Variants in MTUS2 observed in about 807,000 individuals in gnomAD.
MTUS2 encodes microtubule-associated tumor suppressor candidate 2.
MTUS2 carries 40 observed loss-of-function variants against 114.1 expected under a neutral mutation model. The ratio of observed to expected loss-of-function variants is 0.35; its 90% CI spans 0.27 to 0.46. The LOEUF is 0.46. MTUS2 is among the 20% of genes least tolerant of loss of function. The pLI is 1.00. For missense variants in MTUS2, 1,679 were observed against 1,705.4 expected, an observed-to-expected ratio of 0.98 and a Z score of 0.27; for synonymous variants, 688 against 672.0, an observed-to-expected ratio of 1.02 and a Z score of -0.37.
At chr13:29,476,842 G>A (rs1189350203) in intron 9 of MTUS2, 1 of 152,212 alleles carries the variant, frequency 6.6e-6, no homozygotes, top group African/African-American at 2.4e-5. Context: ...CAGCCTTGCA[G>A]GTGAAAAATG....
At chr13:29,072,780 T>C (rs184647495) in intron 4 of MTUS2, among the ~76,000 whole-genome samples, 1 of 152,286 alleles carries the variant, frequency 6.6e-6, no homozygotes, top group Non-Finnish European at 1.5e-5. Flanking sequence ...TTGAGTAGCA[T>C]TAGTAGATTT....
intron 5 of MTUS2, among the ~76,000 whole-genome samples, chr13:29,171,353 G>A (rs1490424925): frequency 6.6e-6 from 1 of 152,160 alleles, no homozygotes; most frequent in Non-Finnish European, 1.5e-5. Flanking sequence ...AGCAGGACCT[G>A]AATACCTGTG....
intron 2 of MTUS2, among the ~76,000 whole-genome samples, chr13:28,971,948 A>G (rs1184901851): frequency 2.6e-5 from 4 of 152,234 alleles, no homozygotes; most frequent in Non-Finnish European, 4.4e-5. Context: ...GCCATGCTGG[A>G]CAATTCATGG....
intron 5 of MTUS2, among the ~76,000 whole-genome samples, chr13:29,210,597 G>C (rs1895384561): frequency 6.6e-6 from 1 of 152,170 alleles, no homozygotes; most frequent in Non-Finnish European, 1.5e-5. Flanking sequence ...CTGTTGTTCA[G>C]ATTCGTTTGT....
At chr13:28,970,458 C>T (rs971478419) in intron 2 of MTUS2, among the ~76,000 whole-genome samples, 1 of 152,190 alleles carries the variant, frequency 6.6e-6, no homozygotes, top group Non-Finnish European at 1.5e-5. Context: ...TTCATTCATG[C>T]GTTGTCTCTG....
At chr13:29,246,078 A>G (rs1383785098) in intron 5 of MTUS2, among the ~76,000 whole-genome samples, 3 of 152,224 alleles carry the variant, frequency 2.0e-5, no homozygotes, top group Admixed American at 2.0e-4. Context: ...GTCATATAAA[A>G]TCCTTTGTAA....
intron 11 of MTUS2, chr13:29,489,812 A>G (rs1002444233): frequency 6.6e-6 from 1 of 152,244 alleles, no homozygotes; most frequent in African/African-American, 2.4e-5. Context: ...GCAATGGTTT[A>G]TGTCATCTTC....
chr13:29,443,791 G>A (rs1265304619), intron 9 of MTUS2, among the ~76,000 whole-genome samples: 1 of 152,174 alleles, frequency 6.6e-6, no homozygotes, highest in Non-Finnish European at 1.5e-5. Flanking sequence ...AGTATGGCCA[G>A]TCCCTTCCCC....
chr13:29,487,584 C>T (rs1230672112), intron 10 of MTUS2: 1 of 339,720 alleles, frequency 2.9e-6, no homozygotes, highest in Non-Finnish European at 5.5e-6. Flanking sequence ...CGTCATCGCT[C>T]ATAGCGGTGC....
At position 28,828,396 on chromosome 13, in the gene MTUS2, A is replaced by G. The variant is rs573761848; in HGVS notation, c.-316+7785A>G. Among the ~76,000 whole-genome samples, 23 of 152,328 alleles carry G rather than the reference A, an allele frequency of 1.5e-4. No individual in the cohort carries two copies. In the East Asian group the frequency reaches 4.4e-3, roughly 29 times the overall value. ...CTGAGGTGACATTCATCCTCAGCTTATGAAGATGACAGGATTAAGCAATTA... is the reference window on the plus strand; with the variant it reads ...CTGAGGTGACATTCATCCTCAGCTTGTGAAGATGACAGGATTAAGCAATTA... On this transcript the variant is annotated intron_variant, in intron 1 of 15. Transcript: ENST00000612955.
chr13:29,263,249 C>T (rs1183074151), intron 5 of MTUS2, among the ~76,000 whole-genome samples: 2 of 152,106 alleles, frequency 1.3e-5, no homozygotes, highest in African/African-American at 4.8e-5. Flanking sequence ...CTAGAGTTAC[C>T]ATCTTCTTCC....
intron 5 of MTUS2, among the ~76,000 whole-genome samples, chr13:29,232,120 C>A (rs1449926066): frequency 6.6e-6 from 1 of 152,176 alleles, no homozygotes; most frequent in Non-Finnish European, 1.5e-5. Flanking sequence ...CTCTACCTCA[C>A]TGCAGCTAGG....
At chr13:29,433,752 C>G (rs1877189793) in intron 8 of MTUS2, among the ~76,000 whole-genome samples, 1 of 152,184 alleles carries the variant, frequency 6.6e-6, no homozygotes, top group Admixed American at 6.5e-5. Context: ...AGATGAAGTT[C>G]TACCATGTTG....
intron 4 of MTUS2, among the ~76,000 whole-genome samples, chr13:29,045,435 A>G (rs1887569982): frequency 6.6e-6 from 1 of 152,182 alleles, no homozygotes; most frequent in African/African-American, 2.4e-5. Flanking sequence ...TCACCTCTCA[A>G]AGGCCCCACT....
chr13:29,282,998 C>T (rs1232881409), intron 6 of MTUS2, among the ~76,000 whole-genome samples: 1 of 152,126 alleles, frequency 6.6e-6, no homozygotes, highest in Non-Finnish European at 1.5e-5. Flanking sequence ...CAATAAACAG[C>T]CTTGAGTGGG....
intron 5 of MTUS2, among the ~76,000 whole-genome samples, chr13:29,158,188 T>C (rs920561325): frequency 1.3e-5 from 2 of 152,086 alleles, no homozygotes; most frequent in African/African-American, 4.8e-5. Flanking sequence ...TTGAGCACTT[T>C]GATTTCTGGA....
At chr13:29,177,837 G>C (rs1261539459) in intron 5 of MTUS2, among the ~76,000 whole-genome samples, 1 of 152,078 alleles carries the variant, frequency 6.6e-6, no homozygotes, top group East Asian at 1.9e-4. Context: ...AGGACCCTGA[G>C]CTACACCTTC....
At chr13:29,300,663 T>TA (rs1209132276) in intron 6 of MTUS2, among the ~76,000 whole-genome samples, 3 of 152,180 alleles carry the variant, frequency 2.0e-5, no homozygotes, top group Non-Finnish European at 4.4e-5. Flanking sequence ...TGCCAAATAC[T>TA]AAGAGTAGTA....
chr13:29,192,678 A>T (rs923237707), intron 5 of MTUS2, among the ~76,000 whole-genome samples: 1 of 152,228 alleles, frequency 6.6e-6, no homozygotes, highest in South Asian at 2.1e-4. Context: ...ATCAATTAAA[A>T]ATATTTCTTA....
Sources: allele counts gnomAD v4.1 joint callset (sites outside exome capture counted in the v4.1 genomes callset), GRCh38; gene constraint gnomAD v4.1.1; transcripts MANE v1.5; gene names NCBI Gene and HGNC (gene_info 2026-07-23, HGNC 2026-07-21).